The following PRDM5 variants were observed in gnomAD, a reference collection of about 807,000 sequenced individuals.
The protein encoded by PRDM5 is PR/SET domain 5, also known as PR domain zinc finger protein 5.
Under a neutral mutation model 81.2 loss-of-function variants are expected in PRDM5, and 56 were observed. The observed-to-expected ratio is 0.69, with a 90% confidence interval of 0.56 to 0.86. The LOEUF is 0.86. PRDM5 is among the 40% of genes least tolerant of loss of function. The pLI is 0.00. For synonymous variants in PRDM5, 267 were observed against 256.4 expected (o/e 1.04, Z -0.39); for missense variants, 697 against 770.1 (o/e 0.91, Z 1.12).
intron 15 of PRDM5, among the ~76,000 whole-genome samples, chr4:120,707,248 T>C (rs1736309209): frequency 6.6e-6 from 1 of 151,958 alleles, no homozygotes; most frequent in African/African-American, 2.4e-5. Flanking sequence ...AATGGAGATT[T>C]ATCTCAGGAC....
At chr4:120,811,108 ACATCT>A (rs1753771121) in intron 8 of PRDM5, among the ~76,000 whole-genome samples, 1 of 152,126 alleles carries the variant, frequency 6.6e-6, no homozygotes, top group Non-Finnish European at 1.5e-5. Context: ...ATGATCATTT[ACATCT>A]TTGTTATAAT....
intron 15 of PRDM5, among the ~76,000 whole-genome samples, chr4:120,705,316 T>C (rs1025598341): frequency 1.3e-5 from 2 of 151,384 alleles, no homozygotes; most frequent in Non-Finnish European, 2.9e-5. Context: ...TAATAAATGA[T>C]AAATAATTAA....
chr4:120,853,674 T>A, intron 2 of PRDM5, 134 bp from the exon 3 acceptor site: 1 of 1,136,344 alleles, frequency 8.8e-7, no homozygotes, highest in South Asian at 1.3e-5. Context: ...GAAGTTGGAC[T>A]AACATGCATT....
intron 14 of PRDM5, among the ~76,000 whole-genome samples, chr4:120,716,053 G>A (rs1400526819): frequency 2.0e-5 from 3 of 152,086 alleles, no homozygotes; most frequent in East Asian, 3.8e-4. Context: ...GGGCTTTGCA[G>A]TTATCACAAG....
chr4:120,917,744 G>A (rs1050723798), intron 1 of PRDM5, among the ~76,000 whole-genome samples: 1 of 151,070 alleles, frequency 6.6e-6, no homozygotes, highest in Non-Finnish European at 1.5e-5. Flanking sequence ...GTCGAAAGAA[G>A]TGTGAGATGA....
At chr4:120,870,246 G>T (rs946242429) in intron 2 of PRDM5, among the ~76,000 whole-genome samples, 8 of 152,158 alleles carry the variant, frequency 5.3e-5, no homozygotes, top group Non-Finnish European at 1.0e-4. Context: ...GCCATATGAT[G>T]ATTTTATGAC....
At chr4:120,919,191 T>C (rs998273871) in intron 1 of PRDM5, among the ~76,000 whole-genome samples, 1 of 152,198 alleles carries the variant, frequency 6.6e-6, no homozygotes. Flanking sequence ...TGCCTCATCC[T>C]GTTTATTTCC....
In PRDM5 at chr4:120,694,896, T is replaced by C. The variant is rs1734340040; in HGVS notation, c.*215A>G. 1.8e-6 allele frequency: 1 copy of C among 562,354 alleles called. No individual in the cohort carries two copies. Among genetic ancestry groups the C allele is most frequent in the South Asian group, 2.1e-5 (1 of 48,652 alleles). 34.8% of individuals were successfully genotyped at this position (562,354 alleles called of 1,614,324 possible). The stretch of plus-strand genomic sequence containing the variant: ...GCACAAGTTGCATTTTGCAAGGCTA[T>C]GGAGTTGTATTTTTTTTCCATTTAT... On this transcript the variant is annotated 3_prime_UTR_variant, in exon 16 of 16. Coordinates refer to ENST00000264808, the MANE Select transcript of PRDM5 (RefSeq NM_018699.4).
At chr4:120,872,667 T>C (rs1441557339) in intron 2 of PRDM5, among the ~76,000 whole-genome samples, 1 of 152,252 alleles carries the variant, frequency 6.6e-6, no homozygotes, top group Admixed American at 6.5e-5. Context: ...GCTGGGAGGA[T>C]GGCTTGAGCA....
At chr4:120,886,445 T>A (rs1048891901) in intron 2 of PRDM5, among the ~76,000 whole-genome samples, 10 of 152,164 alleles carry the variant, frequency 6.6e-5, no homozygotes, top group African/African-American at 2.4e-4. Flanking sequence ...GTAAACAAAA[T>A]GTCCAGTTTA....
intron 3 of PRDM5, among the ~76,000 whole-genome samples, chr4:120,829,639 G>A (rs1317780117): frequency 6.6e-6 from 1 of 152,026 alleles, no homozygotes; most frequent in Non-Finnish European, 1.5e-5. Flanking sequence ...GCTTAACTCA[G>A]TTTTTGTTTA....
At chr4:120,812,849 C>A in intron 7 of PRDM5, 1 of 251,622 alleles carries the variant, frequency 4.0e-6, no homozygotes, top group Non-Finnish European at 7.9e-6. Flanking sequence ...GATATATCCA[C>A]AAGGAATTCA....
chr4:120,866,015 C>G (rs1425930781), intron 2 of PRDM5, among the ~76,000 whole-genome samples: 1 of 152,168 alleles, frequency 6.6e-6, no homozygotes, highest in African/African-American at 2.4e-5. Context: ...GACTCTTTTT[C>G]TATATCAACT....
In PRDM5 at chr4:120,793,401, T is replaced by C. The variant is rs144825538; in HGVS notation, c.1188+4866A>G. Among the ~76,000 whole-genome samples, 435 of 152,324 alleles carry C rather than the reference T, an allele frequency of 2.9e-3. 3 individuals are homozygous for C. Among genetic ancestry groups the C allele is most frequent in the African/African-American group, 0.01 (416 of 41,572 alleles). ...TATGGTGAGTTGTATAATTATTTCA[T>C]TATATTTTACAATGTAATAATAATA... On this transcript the variant is annotated intron_variant, in intron 10 of 15. Transcript: ENST00000264808.
intron 13 of PRDM5, among the ~76,000 whole-genome samples, chr4:120,766,069 C>T (rs568584925): frequency 7.2e-5 from 11 of 152,026 alleles, no homozygotes; most frequent in Admixed American, 7.2e-4. Flanking sequence ...AAGCGATTCT[C>T]CTGCCTCAGC....
chr4:120,821,650 A>G (rs1394766335), intron 3 of PRDM5, among the ~76,000 whole-genome samples: 1 of 152,140 alleles, frequency 6.6e-6, no homozygotes, highest in African/African-American at 2.4e-5. Context: ...TGGCCTATAA[A>G]TGTAGTTGTC....
At position 120,894,247 on chromosome 4, in the gene PRDM5, C is replaced by T. The variant is rs779065831; in HGVS notation, c.177+13227G>A. On this transcript the variant is annotated intron_variant, in intron 2 of 15. Coordinates refer to ENST00000264808, the MANE Select transcript of PRDM5 (RefSeq NM_018699.4). ...TTAATAAATTTACTTACTAGAAACC[C>T]GCAATGCTTTAATTACAGTTACTTC... is the stretch of plus-strand genomic sequence containing the variant. Among the ~76,000 whole-genome samples, 5 of 152,022 alleles carry T rather than the reference C, an allele frequency of 3.3e-5. No homozygotes were observed. The South Asian group carries it at 6.2e-4, about 19-fold the overall frequency.
At chr4:120,727,754 G>A (rs1451966732) in intron 14 of PRDM5, among the ~76,000 whole-genome samples, 4 of 151,930 alleles carry the variant, frequency 2.6e-5, no homozygotes, top group Non-Finnish European at 5.9e-5. Flanking sequence ...TGGCCAACAC[G>A]GTGAAACCCC....
At chr4:120,919,739 T>C (rs545247170) in intron 1 of PRDM5, among the ~76,000 whole-genome samples, 1 of 152,316 alleles carries the variant, frequency 6.6e-6, no homozygotes, top group African/African-American at 2.4e-5. Context: ...ACTGAAGCAT[T>C]CAACTGTGCT....
Sources: allele counts gnomAD v4.1 joint callset (sites outside exome capture counted in the v4.1 genomes callset), GRCh38; gene constraint gnomAD v4.1.1; transcripts MANE v1.5; gene names NCBI Gene and HGNC (gene_info 2026-07-23, HGNC 2026-07-21).